The following GRIN2B variants were observed in gnomAD, a reference collection of about 807,000 sequenced individuals.
GRIN2B encodes glutamate ionotropic receptor NMDA type subunit 2B.
Under a neutral mutation model 114.5 loss-of-function variants are expected in GRIN2B, and 5 were observed. That is an observed-to-expected ratio of 0.04 (90% CI 0.02 to 0.09). GRIN2B has a LOEUF of 0.09. Ranked by LOEUF, GRIN2B falls within the 10% of genes least tolerant of loss-of-function variation. The pLI is 1.00. For missense variants in GRIN2B, 1,108 were observed against 1,943.5 expected (o/e 0.57, Z 8.08); for synonymous variants, 787 against 745.1 (o/e 1.06, Z -0.92).
chr12:13,949,564 A>T (rs1867438577), intron 2 of GRIN2B, among the ~76,000 whole-genome samples: 2 of 151,706 alleles, frequency 1.3e-5, no homozygotes, highest in Admixed American at 6.6e-5. Context: ...ACTGTGAGGG[A>T]CTCTATGGCC....
At chr12:13,884,634 T>G (rs187592405) in intron 2 of GRIN2B, among the ~76,000 whole-genome samples, 45 of 152,186 alleles carry the variant, frequency 3.0e-4, no homozygotes, top group Admixed American at 2.5e-3. Flanking sequence ...CAATAAAAAT[T>G]TTTATAGAAC....
chr12:13,771,315 G>A (rs1009986890), intron 3 of GRIN2B, among the ~76,000 whole-genome samples: 6 of 152,114 alleles, frequency 3.9e-5, no homozygotes, highest in Admixed American at 3.3e-4. Flanking sequence ...ATATTTATCA[G>A]TCTTGGGTAT....
chr12:13,718,374 C>A (rs1294758164), intron 4 of GRIN2B, among the ~76,000 whole-genome samples: 1 of 151,936 alleles, frequency 6.6e-6, no homozygotes, highest in Admixed American at 6.6e-5. Context: ...AGGAGAGATT[C>A]AGAGCTGTGA....
At chr12:13,869,206 T>C (rs545130382) in intron 2 of GRIN2B, among the ~76,000 whole-genome samples, 1 of 152,048 alleles carries the variant, frequency 6.6e-6, no homozygotes, top group Admixed American at 6.5e-5. Context: ...TGAGCACTTA[T>C]AACCTAGAGA....
chr12:13,598,783 G>C (rs956274788), intron 10 of GRIN2B, among the ~76,000 whole-genome samples: 2 of 152,026 alleles, frequency 1.3e-5, no homozygotes, highest in Non-Finnish European at 2.9e-5. Flanking sequence ...GGTTTGAAAG[G>C]GTTCTCCAGA....
chr12:13,878,720 C>T (rs1565572695), intron 2 of GRIN2B, among the ~76,000 whole-genome samples: 1 of 152,196 alleles, frequency 6.6e-6, no homozygotes, highest in Non-Finnish European at 1.5e-5. Flanking sequence ...TCAGGCCCTG[C>T]TGAGCAGCAT....
intron 5 of GRIN2B, among the ~76,000 whole-genome samples, chr12:13,644,827 T>G (rs1424381940): frequency 1.3e-5 from 2 of 152,162 alleles, no homozygotes. Flanking sequence ...AACTTCTAAC[T>G]TTTCTTCTAC....
rs200245117 is a variant in GRIN2B, at chr12:13,675,869, T to C, written c.1011-10A>G. ...GACATTGATCAGATACCTGTAAAGA[T>C]AAAATAAAAGGAAGATTAAAAGTAT... is the stretch of plus-strand genomic sequence containing the variant. On this transcript the variant is annotated splice_polypyrimidine_tract_variant and intron_variant, in intron 4 of 13. Transcript: ENST00000609686. 1.4e-6 allele frequency: 2 copies of C among 1,435,604 alleles called. No homozygotes were observed. Among genetic ancestry groups the C allele is most frequent in the African/African-American group, 2.8e-5 (2 of 71,530 alleles). The allele number at this position is 1,435,604 out of a possible 1,614,324, so 88.9% of individuals were successfully genotyped here.
chr12:13,626,038 A>C (rs561645807), intron 5 of GRIN2B, among the ~76,000 whole-genome samples: 4 of 151,982 alleles, frequency 2.6e-5, no homozygotes, highest in Non-Finnish European at 5.9e-5. Flanking sequence ...CCAAGCCACA[A>C]CTCTCCATCC....
chr12:13,593,492 T>TA (rs767864360), intron 10 of GRIN2B, among the ~76,000 whole-genome samples: 17 of 152,310 alleles, frequency 1.1e-4, no homozygotes, highest in Non-Finnish European at 1.5e-4. Flanking sequence ...TGGCTAGCCA[T>TA]ATGCAGAAAG....
chr12:13,621,691 G>C (rs1271960795), intron 5 of GRIN2B, among the ~76,000 whole-genome samples: 1 of 95,272 alleles, frequency 1.0e-5, no homozygotes, highest in African/African-American at 4.4e-5. Context: ...CTTGGTACAG[G>C]CTGAACACCT....
chr12:13,901,509 G>C (rs191200292), intron 2 of GRIN2B, among the ~76,000 whole-genome samples: 2 of 151,976 alleles, frequency 1.3e-5, no homozygotes, highest in Non-Finnish European at 2.9e-5. Context: ...TGTGGCTATT[G>C]AGCATTTGAA....
At chr12:13,858,920 G>C (rs954764353) in intron 3 of GRIN2B, among the ~76,000 whole-genome samples, 4 of 152,188 alleles carry the variant, frequency 2.6e-5, no homozygotes, top group Admixed American at 6.5e-5. Flanking sequence ...TGTCTAAATG[G>C]AAGCAGGTTA....
chr12:13,814,197 C>T (rs1347069367), intron 3 of GRIN2B, among the ~76,000 whole-genome samples: 2 of 152,202 alleles, frequency 1.3e-5, no homozygotes, highest in Non-Finnish European at 2.9e-5. Flanking sequence ...GTACAAAACT[C>T]TTACAAAAGA....
chr12:13,948,984 A>T (rs1376783917), intron 2 of GRIN2B, among the ~76,000 whole-genome samples: 1 of 152,142 alleles, frequency 6.6e-6, no homozygotes, highest in Non-Finnish European at 1.5e-5. Context: ...AAGCAGTCTT[A>T]AGAGAGTGTT....
rs1867171071 is a variant in GRIN2B at position 13,938,529 on chromosome 12, T to C, written c.-19+41399A>G. Among the ~76,000 whole-genome samples the C allele has an allele frequency of 2.0e-5, 3 of 152,296 alleles. No individual in the cohort carries two copies. The South Asian group carries it at 6.2e-4, about 32-fold the overall frequency. ...TCCATAAATAGTAAACAAATTGTGG[T>C]ATATTCATAAATTCAATACTCAATA... On this transcript the variant is annotated intron_variant, in intron 2 of 13. Transcript: ENST00000609686.
At chr12:13,638,506 T>G (rs1408923204) in intron 5 of GRIN2B, among the ~76,000 whole-genome samples, 1 of 152,038 alleles carries the variant, frequency 6.6e-6, no homozygotes, top group Non-Finnish European at 1.5e-5. Context: ...GTAGAAAGTA[T>G]CACTAGGGAA....
chr12:13,545,075 C>T lies in GRIN2B; in HGVS notation c.*17708G>A, dbSNP rs1948326634. On this transcript the variant is annotated 3_prime_UTR_variant, in exon 14 of 14. Transcript: ENST00000609686. The stretch of plus-strand genomic sequence containing the variant: ...CTGACCTCACCTCTCATACTCTCCT[C>T]CTCCCTCATTGGCCTCCCGGCTCTT... 1 of 152,212 alleles carries T rather than the reference C, an allele frequency of 6.6e-6. No homozygotes were observed. The highest frequency in any genetic ancestry group is 6.6e-5 in the Admixed American group (1 of 15,264). 9.4% of individuals were successfully genotyped at this position (152,212 alleles called of 1,614,324 possible). A position where few individuals can be genotyped will look rare whatever the true frequency, so the allele number is the denominator to read the frequency against.
chr12:13,608,717 C>T lies in GRIN2B; in HGVS notation c.1896G>A (p.Val632=). ...NPKGTTSKIM[V]SVWAFFAVIF... is the part of the protein sequence containing the mutation. ...TGACAGCAAAGAAGGCCCACACTGACACCATGATCTTGGAGGTGGTCCCCT... is the reference window on the plus strand; with the variant it reads ...TGACAGCAAAGAAGGCCCACACTGATACCATGATCTTGGAGGTGGTCCCCT... The change falls in exon 10 of 14, where the codon GTG becomes GTA. Residue 632 remains valine, a synonymous_variant. Transcript: ENST00000609686. 6.2e-7 allele frequency: 1 copy of T among 1,614,170 alleles called. No homozygotes were observed. Among genetic ancestry groups the T allele is most frequent in the Non-Finnish European group, 8.5e-7 (1 of 1,180,002 alleles).
Sources: allele counts gnomAD v4.1 joint callset (sites outside exome capture counted in the v4.1 genomes callset), GRCh38; gene constraint gnomAD v4.1.1; transcripts MANE v1.5; gene names NCBI Gene and HGNC (gene_info 2026-07-23, HGNC 2026-07-21).